Variants in ALK observed in about 807,000 individuals in gnomAD.
ALK encodes ALK receptor tyrosine kinase, also known as ALK tyrosine kinase receptor.
Under a neutral mutation model 163.1 loss-of-function variants are expected in ALK, and 74 were observed. The ratio of observed to expected loss-of-function variants is 0.45; its 90% CI spans 0.38 to 0.55. The LOEUF is 0.55. ALK is among the 20% of genes least tolerant of loss of function. The pLI, the probability that ALK is intolerant of heterozygous loss-of-function variation, is 0.00. For synonymous variants in ALK, 960 were observed against 843.2 expected (o/e 1.14, Z -2.40); for missense variants, 2,063 against 2,105.3 (o/e 0.98, Z 0.39).
chr2:29,294,159 A>C (rs916086366), intron 9 of ALK, among the ~76,000 whole-genome samples: 1 of 152,068 alleles, frequency 6.6e-6, no homozygotes, highest in Non-Finnish European at 1.5e-5. Flanking sequence ...TCTTTTATCC[A>C]TCCTATTTTT....
At chr2:29,835,680 A>C (rs923303926) in intron 1 of ALK, among the ~76,000 whole-genome samples, 4 of 152,138 alleles carry the variant, frequency 2.6e-5, no homozygotes, top group Non-Finnish European at 5.9e-5. Context: ...TATGGGAGGG[A>C]CCTGATGGGA....
chr2:29,285,846 A>C (rs1225879573), intron 9 of ALK, among the ~76,000 whole-genome samples: 1 of 152,172 alleles, frequency 6.6e-6, no homozygotes, highest in Non-Finnish European at 1.5e-5. Flanking sequence ...TACAGTTATG[A>C]GCCACCGCAC....
At chr2:29,532,209 A>C in intron 3 of ALK, 93 bp from the exon 4 acceptor site, 1 of 1,201,530 alleles carries the variant, frequency 8.3e-7, no homozygotes, top group Non-Finnish European at 1.2e-6. Context: ...TGGCATCAAA[A>C]TCAGAGATAC....
intron 4 of ALK, among the ~76,000 whole-genome samples, chr2:29,425,547 G>A (rs1670115391): frequency 2.6e-5 from 4 of 152,300 alleles, no homozygotes; most frequent in South Asian, 4.2e-4. Flanking sequence ...CACAGCTCAT[G>A]TGTAGGATGG....
chr2:29,734,461 G>C (rs921377182), intron 1 of ALK, among the ~76,000 whole-genome samples: 1 of 152,138 alleles, frequency 6.6e-6, no homozygotes, highest in African/African-American at 2.4e-5. Flanking sequence ...GAAGCCTTTA[G>C]AAATATACAT....
At chr2:29,720,861 C>T (rs959477071) in intron 1 of ALK, among the ~76,000 whole-genome samples, 1 of 152,064 alleles carries the variant, frequency 6.6e-6, no homozygotes, top group African/African-American at 2.4e-5. Context: ...CAGGGTTCCA[C>T]TCTGAAAATA....
Position 29,320,744 on chromosome 2 carries a change from G to C in ALK, c.1546+7C>G, listed in dbSNP as rs1275181342. 6.2e-7 allele frequency: 1 copy of C among 1,613,488 alleles called. No individual in the cohort carries two copies. Among genetic ancestry groups the C allele is most frequent in the Non-Finnish European group, 8.5e-7 (1 of 1,179,926 alleles). On this transcript the variant is annotated splice_region_variant and intron_variant, in intron 7 of 28. Coordinates refer to ENST00000389048, the MANE Select transcript of ALK (RefSeq NM_004304.5). ...GCACCAGAGAGAAGGCAGGAGAGCA[G>C]TAGTACCTTGGTGGTCCTGGAACCG...
At chr2:29,771,927 C>T (rs1334178741) in intron 1 of ALK, among the ~76,000 whole-genome samples, 1 of 152,218 alleles carries the variant, frequency 6.6e-6, no homozygotes, top group East Asian at 1.9e-4. Flanking sequence ...GTCTTATCTC[C>T]TCTGCACTCT....
chr2:29,314,302 G>A (rs1266557786), intron 8 of ALK, among the ~76,000 whole-genome samples: 1 of 152,218 alleles, frequency 6.6e-6, no homozygotes, highest in East Asian at 1.9e-4. Context: ...CACAAAGGAT[G>A]GGTCCCCTTT....
intron 19 of ALK, chr2:29,223,911 C>T (rs1663829156): frequency 2.6e-6 from 1 of 377,820 alleles, no homozygotes; most frequent in Admixed American, 4.3e-5. Flanking sequence ...GGTGAACCAG[C>T]AGACTGTGTT....
intron 11 of ALK, among the ~76,000 whole-genome samples, chr2:29,269,298 G>A (rs546877868): frequency 2.0e-5 from 3 of 152,180 alleles, no homozygotes; most frequent in Non-Finnish European, 4.4e-5. Context: ...GTTCCACCCT[G>A]TCACCGTCAC....
chr2:29,917,265 T>C (rs1274445289), intron 1 of ALK, among the ~76,000 whole-genome samples: 18 of 152,136 alleles, frequency 1.2e-4, no homozygotes. Context: ...CCCATCAGCA[T>C]CATTGTGTAC....
rs747685886 is a variant in ALK at position 29,226,783 on chromosome 2, C to T, written c.3067+139G>A. On this transcript the variant is annotated intron_variant, in intron 18 of 28. Transcript: ENST00000389048. Reference sequence around the variant, plus strand: ...CCTTTCACACAGTGGTCAGAGCACTCGAGCTGTGGCAGGTAGGGGAGGGAC... The same window carrying T: ...CCTTTCACACAGTGGTCAGAGCACTTGAGCTGTGGCAGGTAGGGGAGGGAC... 39 of 1,067,858 alleles carry T rather than the reference C, an allele frequency of 3.7e-5. No individual in the cohort carries two copies. The South Asian group carries it at 3.7e-4, about 10-fold the overall frequency. The allele number at this position is 1,067,858 out of a possible 1,614,324, so 66.1% of individuals were successfully genotyped here.
Position 29,519,332 on chromosome 2 carries a change from A to C in ALK, c.1154+12583T>G, listed in dbSNP as rs564344552. 3.9e-5 allele frequency among the ~76,000 whole-genome samples: 6 copies of C among 152,292 alleles called. No individual in the cohort carries two copies. In the South Asian group the frequency reaches 1.2e-3, roughly 32 times the overall value. The stretch of plus-strand genomic sequence containing the variant: ...AAGAATTTGAATTCAATTACTTTTA[A>C]GGTTCATTTCTGGTTCATGATTCCA... On this transcript the variant is annotated intron_variant, in intron 4 of 28. Transcript: ENST00000389048.
intron 8 of ALK, among the ~76,000 whole-genome samples, chr2:29,304,872 G>T (rs960110722): frequency 9.2e-5 from 14 of 152,246 alleles, no homozygotes; most frequent in African/African-American, 3.4e-4. Flanking sequence ...TAGAGCTCCT[G>T]TGATATTGTG....
At chr2:29,491,922 C>G (rs1671912840) in intron 4 of ALK, among the ~76,000 whole-genome samples, 1 of 152,164 alleles carries the variant, frequency 6.6e-6, no homozygotes, top group African/African-American at 2.4e-5. Context: ...CTTAACTAAC[C>G]ACACTTAATT....
At chr2:29,779,508 C>A (rs921947999) in intron 1 of ALK, among the ~76,000 whole-genome samples, 2 of 152,172 alleles carry the variant, frequency 1.3e-5, no homozygotes, top group Non-Finnish European at 2.9e-5. Context: ...GAATTCAAGC[C>A]AAGGCTCTCT....
At chr2:29,508,301 T>C (rs1445928942) in intron 4 of ALK, among the ~76,000 whole-genome samples, 1 of 152,216 alleles carries the variant, frequency 6.6e-6, no homozygotes, top group Non-Finnish European at 1.5e-5. Context: ...CAGAGCAGTA[T>C]AGGCGTCAGC....
chr2:29,878,561 AT>A (rs1666779962), intron 1 of ALK, among the ~76,000 whole-genome samples: 3 of 152,210 alleles, frequency 2.0e-5, no homozygotes, highest in African/African-American at 7.2e-5. Context: ...CTGTTGAGGC[AT>A]TTTAAAACAA....
Sources: gnomAD v4.1 joint callset for allele counts (sites outside exome capture counted in the v4.1 genomes callset) on GRCh38, gnomAD v4.1.1 for gene constraint, MANE v1.5 for transcripts, NCBI Gene and HGNC (gene_info 2026-07-23, HGNC 2026-07-21) for gene names.